TDRKH: variants seen among roughly 807,000 people sequenced by gnomAD.
TDRKH encodes tudor and KH domain-containing protein.
Under a neutral mutation model 61.3 loss-of-function variants are expected in TDRKH, and 28 were observed. The ratio of observed to expected loss-of-function variants is 0.46; its 90% CI spans 0.34 to 0.63. The LOEUF is 0.63. Among genes scored for constraint, TDRKH ranks in the 20% least tolerant of loss-of-function variants. TDRKH has a pLI of 0.01. For missense variants in TDRKH, 540 were observed against 683.4 expected (o/e 0.79, Z 2.34); for synonymous variants, 219 against 244.4 (o/e 0.90, Z 0.97).
At chr1:151,787,356 C>T (rs1650418060) in intron 1 of TDRKH, among the ~76,000 whole-genome samples, 2 of 152,058 alleles carry the variant, frequency 1.3e-5, no homozygotes, top group African/African-American at 2.4e-5. Context: ...GTAGCTGGGA[C>T]GACAGGCACC....
At chr1:151,766,660 C>A, downstream of TDRKH, 1 of 1,547,530 alleles carries the variant, frequency 6.5e-7, no homozygotes, top group Non-Finnish European at 8.7e-7. Context: ...ACCAGGTTGC[C>A]TAAACCTCTG....
chr1:151,770,399 A>C, downstream of TDRKH: 1 of 1,268,640 alleles, frequency 7.9e-7, no homozygotes. Flanking sequence ...CCTACCACGA[A>C]GGTGGGAAGT....
chr1:151,770,844 T>C (rs962721730), downstream of TDRKH, among the ~76,000 whole-genome samples: 2 of 152,214 alleles, frequency 1.3e-5, no homozygotes, highest in African/African-American at 2.4e-5. Flanking sequence ...GAAGGTTCTA[T>C]GATTTATAAA....
At chr1:151,770,346 T>G, downstream of TDRKH, 1 of 1,495,450 alleles carries the variant, frequency 6.7e-7, no homozygotes, top group South Asian at 1.3e-5. Flanking sequence ...CCCCTGTCTT[T>G]AAAAATGCAC....
At chr1:151,783,536 G>A (rs1650037008) in intron 1 of TDRKH, 1 of 152,340 alleles carries the variant, frequency 6.6e-6, no homozygotes, top group Admixed American at 6.5e-5. Flanking sequence ...TTAACGAACA[G>A]TGAAATGGGG....
In TDRKH at chr1:151,774,434, C is replaced by A. The variant is rs2101576251; in HGVS notation, c.*18G>T. The A allele has an allele frequency of 1.9e-6, 3 of 1,613,682 alleles. No homozygotes were observed. Among genetic ancestry groups the A allele is most frequent in the Admixed American group, 3.3e-5 (2 of 59,988 alleles). On this transcript the variant is annotated 3_prime_UTR_variant, in exon 13 of 13. Coordinates refer to ENST00000368824, the MANE Select transcript of TDRKH (RefSeq NM_001083965.2). ...TCACACAGCAAAGCAGATGGCTGAG[C>A]AAACTGAAGCCCAGACTTCAGAGTA...
chr1:151,774,293 G>A lies in TDRKH; in HGVS notation c.*159C>T. ...AATCTGAGAGCAAGTTAAGCTGCAG[G>A]AAAGCAGCTGCAGAGAAGTATATTA... On this transcript the variant is annotated 3_prime_UTR_variant, in exon 13 of 13. Coordinates refer to ENST00000368824, the MANE Select transcript of TDRKH (RefSeq NM_001083965.2). 1 of 680,554 alleles carries A rather than the reference G, an allele frequency of 1.5e-6. No individual in the cohort carries two copies. Among genetic ancestry groups the A allele is most frequent in the South Asian group, 2.0e-5 (1 of 49,702 alleles). 42.2% of individuals were successfully genotyped at this position (680,554 alleles called of 1,614,324 possible).
At position 151,779,176 on chromosome 1, in the gene TDRKH, TC is replaced by T; in HGVS notation, c.487del (p.Glu163AsnfsTer12). 6.2e-7 allele frequency: 1 copy of T among 1,614,228 alleles called. No homozygotes were observed. The highest frequency in any genetic ancestry group is 8.5e-7 in the Non-Finnish European group (1 of 1,180,048). ...TGATAGTAGTAATGTCCCTTCTGAT[TC>T]TTTGTCACAGGTAATTTTGGCTCCA... ...ASGAKITCDK[E>X]SEGTLLLSRL... On this transcript the variant is annotated frameshift_variant, in exon 5 of 13. Coordinates refer to ENST00000368824, the MANE Select transcript of TDRKH (RefSeq NM_001083965.2). LOFTEE classifies it high-confidence loss of function.
intron 1 of TDRKH, chr1:151,783,776 C>G (rs545213248): frequency 6.6e-6 from 1 of 152,342 alleles, no homozygotes; most frequent in South Asian, 2.1e-4. Flanking sequence ...GTTAATGTCA[C>G]TCTGCTCTCT....
At chr1:151,775,707 G>A in intron 9 of TDRKH, 113 bp downstream of exon 9, 2 of 1,490,248 alleles carry the variant, frequency 1.3e-6, no homozygotes, top group South Asian at 1.3e-5. Context: ...TGAGGAAAAG[G>A]CACCTGAGTC....
At chr1:151,767,141 T>G (rs1302040486), downstream of TDRKH, 9 of 1,613,154 alleles carry the variant, frequency 5.6e-6, no homozygotes, top group Non-Finnish European at 7.6e-6. Context: ...GATAAACTAA[T>G]TTGGGTCTCT....
At chr1:151,790,034 G>A (rs1048821478) in intron 1 of TDRKH, among the ~76,000 whole-genome samples, 1 of 152,200 alleles carries the variant, frequency 6.6e-6, no homozygotes, top group African/African-American at 2.4e-5. Flanking sequence ...AGAAAAAGCT[G>A]GGGAAAGTTA....
At chr1:151,781,344 T>TATATATATA (rs61409858) in intron 3 of TDRKH, 137 bp downstream of exon 3, 17 of 182,748 alleles carry the variant, frequency 9.3e-5, no homozygotes, top group Admixed American at 1.3e-4. Flanking sequence ...TATATATATA[T>TATATATATA]TTTATATATA....
intron 1 of TDRKH, among the ~76,000 whole-genome samples, chr1:151,784,277 T>C (rs1650109201): frequency 6.6e-6 from 1 of 152,208 alleles, no homozygotes; most frequent in African/African-American, 2.4e-5. Flanking sequence ...ATGATTAACG[T>C]TTTCTTTCCT....
chr1:151,770,395 A>C, downstream of TDRKH: 8 of 1,240,066 alleles, frequency 6.5e-6, no homozygotes, highest in African/African-American at 1.5e-5. Flanking sequence ...CCCACCTACC[A>C]CGAAGGTGGG....
Position 151,776,184 on chromosome 1 carries a change from C to G in TDRKH, c.1129G>C (p.Gly377Arg), listed in dbSNP as rs201135766. The G allele has an allele frequency of 6.2e-7, 1 of 1,614,098 alleles. No individual in the cohort carries two copies. The highest frequency in any genetic ancestry group is 8.5e-7 in the Non-Finnish European group (1 of 1,180,012). Reference sequence around the variant, plus strand: ...TCCAAGTTCCCATTCTCCAAGGTGCCGAGGACCCGGGCTCGATACCAGGAA... The same window carrying G: ...TCCAAGTTCCCATTCTCCAAGGTGCGGAGGACCCGGGCTCGATACCAGGAA... ...NGSWYRARVLGTLENGNLDLY... is the reference protein window; with the variant it reads ...NGSWYRARVLRTLENGNLDLY... The change falls in exon 8 of 13, where the codon GGC becomes CGC. Residue 377 changes from glycine (G) to arginine (R), a missense_variant. Gly to Arg is a moderately radical substitution (Grantham distance 125, BLOSUM62 -2). Coordinates refer to ENST00000368824, the MANE Select transcript of TDRKH (RefSeq NM_001083965.2).
At chr1:151,787,227 T>C (rs1650401058) in intron 1 of TDRKH, among the ~76,000 whole-genome samples, 1 of 152,202 alleles carries the variant, frequency 6.6e-6, no homozygotes, top group Non-Finnish European at 1.5e-5. Context: ...TTTAGATATA[T>C]ATATTTTTTG....
rs1400010532 is a variant in TDRKH, at chr1:151,773,501, G to A, written c.*951C>T. ...GAATTTGGTTTTAGAAAATTTTCTTGAGAACTTTATTCAGCAAAAAAATCC... is the reference window on the plus strand; with the variant it reads ...GAATTTGGTTTTAGAAAATTTTCTTAAGAACTTTATTCAGCAAAAAAATCC... On this transcript the variant is annotated 3_prime_UTR_variant, in exon 13 of 13. Transcript: ENST00000368824. The A allele has an allele frequency of 2.0e-5, 3 of 152,528 alleles. No homozygotes were observed. Among genetic ancestry groups the A allele is most frequent in the Non-Finnish European group, 4.4e-5 (3 of 68,012 alleles). The allele number at this position is 152,528 out of a possible 1,614,324, so 9.4% of individuals were successfully genotyped here.
chr1:151,772,046 C>A, downstream of TDRKH: 1 of 398,352 alleles, frequency 2.5e-6, no homozygotes, highest in South Asian at 1.3e-4. Flanking sequence ...CTGAACTACT[C>A]ACCAGAACTG....
Sources: allele counts gnomAD v4.1 joint callset (sites outside exome capture counted in the v4.1 genomes callset), GRCh38; gene constraint gnomAD v4.1.1; transcripts MANE v1.5; gene names NCBI Gene and HGNC (gene_info 2026-07-23, HGNC 2026-07-21).